The following UTP11 variants were observed in gnomAD, a reference collection of about 807,000 sequenced individuals.
UTP11 encodes the protein UTP11 small subunit processome component.
UTP11 carries 29 observed loss-of-function variants against 39.0 expected under a neutral mutation model. That is an observed-to-expected ratio of 0.74 (90% CI 0.55 to 1.01). The LOEUF (loss-of-function observed/expected upper bound fraction) is 1.01, where lower values mean the gene tolerates loss of function less well. Among genes scored for constraint, UTP11 ranks in the 50% least tolerant of loss-of-function variants. The pLI, the probability that UTP11 is intolerant of heterozygous loss-of-function variation, is 0.00. For missense variants in UTP11, 281 were observed against 306.0 expected (o/e 0.92, Z 0.61); for synonymous variants, 111 against 105.0 (o/e 1.06, Z -0.35).
intron 3 of UTP11, among the ~76,000 whole-genome samples, 165 bp downstream of exon 3, chr1:38,017,935 C>T (rs996515953): frequency 6.6e-6 from 1 of 152,132 alleles, no homozygotes; most frequent in Non-Finnish European, 1.5e-5. Flanking sequence ...TCCAGAGGAG[C>T]GTGCATTTTT....
At chr1:38,020,554 A>T (rs1018939769) in intron 6 of UTP11, among the ~76,000 whole-genome samples, 1 of 152,210 alleles carries the variant, frequency 6.6e-6, no homozygotes, top group African/African-American at 2.4e-5. Flanking sequence ...CATTAAAAAA[A>T]AATGCTGTCA....
At chr1:38,017,293 T>C (rs1305757013) in intron 2 of UTP11, 1 of 164,280 alleles carries the variant, frequency 6.1e-6, no homozygotes, top group African/African-American at 2.4e-5. Flanking sequence ...TATACTGTAC[T>C]GTGTAGTTTC....
rs980795182 is a variant in UTP11 at position 38,024,607 on chromosome 1, C to T, written c.*979C>T. 9 of 150,840 alleles carry T rather than the reference C, an allele frequency of 6.0e-5. No homozygotes were observed. The highest frequency in any genetic ancestry group is 2.2e-4 in the African/African-American group (9 of 41,054). 9.3% of individuals were successfully genotyped at this position (150,840 alleles called of 1,614,324 possible). ...TTTTTTTAGTAGAGACGGGGTTTCA[C>T]CTTGTTAGCCAGGATGGTCTCGATC... is the stretch of plus-strand genomic sequence containing the variant. On this transcript the variant is annotated 3_prime_UTR_variant, in exon 8 of 8. Coordinates refer to ENST00000373014, the MANE Select transcript of UTP11 (RefSeq NM_016037.4).
intron 3 of UTP11, among the ~76,000 whole-genome samples, chr1:38,018,103 C>G (rs1197752959): frequency 6.6e-6 from 1 of 151,924 alleles, no homozygotes; most frequent in Non-Finnish European, 1.5e-5. Flanking sequence ...TGGACTCACT[C>G]TCTGTTGCCC....
chr1:38,017,684 C>T lies in UTP11; in HGVS notation c.142C>T (p.Gln48Ter), dbSNP rs758206103. The T allele has an allele frequency of 1.3e-6, 2 of 1,524,028 alleles. No individual in the cohort carries two copies. The highest frequency in any genetic ancestry group is 1.8e-6 in the Non-Finnish European group (2 of 1,134,026). The allele number at this position is 1,524,028 out of a possible 1,614,324, so 94.4% of individuals were successfully genotyped here. ...KLRADDYRKK[Q>*]EYLKALRKKA... ...GTCTTTTAGTGACTACCGTAAAAAA[C>T]AAGAATACCTCAAAGCTCTTCGGAA... is the stretch of plus-strand genomic sequence containing the variant. The change falls in exon 3 of 8, where the codon CAA becomes TAA. Residue 48 changes from glutamine (Q) to a stop codon, truncating the protein, a stop_gained. Transcript: ENST00000373014. LOFTEE classifies it high-confidence loss of function.
At position 38,024,515 on chromosome 1, in the gene UTP11, G is replaced by T. The variant is rs1284432614; in HGVS notation, c.*887G>T. The T allele has an allele frequency of 6.7e-6, 1 of 149,836 alleles. No individual in the cohort carries two copies. Among genetic ancestry groups the T allele is most frequent in the Non-Finnish European group, 1.5e-5 (1 of 67,790 alleles). 9.3% of individuals were successfully genotyped at this position (149,836 alleles called of 1,614,324 possible). ...CTTCCCGGGTTCACGCCATTCTCCT[G>T]CCTCAGCCTCCCGAGTAGCTGGGAC... On this transcript the variant is annotated 3_prime_UTR_variant, in exon 8 of 8. Transcript: ENST00000373014.
chr1:38,022,636 C>A, intron 6 of UTP11, 63 bp from the exon 7 acceptor site: 1 of 1,129,878 alleles, frequency 8.9e-7, no homozygotes, highest in Non-Finnish European at 1.3e-6. Context: ...GATTAAGAAA[C>A]AGTTTCTTAC....
chr1:38,015,886 C>G (rs755935118), intron 1 of UTP11, among the ~76,000 whole-genome samples: 10 of 152,190 alleles, frequency 6.6e-5, no homozygotes, highest in Non-Finnish European at 1.2e-4. Flanking sequence ...CAGGAAATAG[C>G]AGCTCAGAGA....
chr1:38,013,346 G>A (rs1646689004), intron 1 of UTP11, among the ~76,000 whole-genome samples: 1 of 152,168 alleles, frequency 6.6e-6, no homozygotes. Flanking sequence ...TGTGCTTTTT[G>A]TTTAAGCCTT....
rs775736450 is a variant in UTP11 at position 38,017,812 on chromosome 1, A to C, written c.228+42A>C. On this transcript the variant is annotated intron_variant, in intron 3 of 7. Coordinates refer to ENST00000373014, the MANE Select transcript of UTP11 (RefSeq NM_016037.4). ...TTGGTTGGTGTTTTGAGCTCCACAC[A>C]TTGGAAAATAAGGACAGGGAGGAGA... The C allele has an allele frequency of 2.0e-6, 3 of 1,501,718 alleles. No individual in the cohort carries two copies. The East Asian group carries it at 7.0e-5, about 35-fold the overall frequency. 93.0% of individuals were successfully genotyped at this position (1,501,718 alleles called of 1,614,324 possible). A position where few individuals can be genotyped will look rare whatever the true frequency, so the allele number is the denominator to read the frequency against.
rs759127260 is a variant in UTP11, at chr1:38,022,777, G to C, written c.646G>C (p.Ala216Pro). Residue 216 changes from alanine (A) to proline (P), a missense_variant, in exon 7 of 8, where the codon GCT (alanine) becomes CCT (proline). Transcript: ENST00000373014. ...ACGAGAGAAGAAATTGTTCGTTATT[G>C]CTCAGAAAATTCAAACACGCAAAGA... ...IEREKKLFVI[A>P]QKIQTRKDLM... The C allele has an allele frequency of 1.2e-6, 2 of 1,613,592 alleles. No homozygotes were observed. The highest frequency in any genetic ancestry group is 2.7e-5 in the African/African-American group (2 of 74,830).
At chr1:38,020,130 G>T (rs929122288) in intron 6 of UTP11, among the ~76,000 whole-genome samples, 6 of 152,076 alleles carry the variant, frequency 3.9e-5, no homozygotes, top group Non-Finnish European at 8.8e-5. Flanking sequence ...TTGAGACAGG[G>T]TCTCACTGTC....
chr1:38,019,433 TTTTTTTTTTG>T, intron 6 of UTP11, 50 bp downstream of exon 6: 4 of 1,276,324 alleles, frequency 3.1e-6, no homozygotes, highest in Middle Eastern at 2.1e-4. Flanking sequence ...AATCTAGGTG[TTTTTTTTTTG>T]TTTTTTTTTT....
At position 38,024,238 on chromosome 1, in the gene UTP11, A is replaced by G. The variant is rs1203607656; in HGVS notation, c.*610A>G. ...CAGTGCTTATTCAATAATAACAAAT[A>G]TTTATTGCATGCTTAACTGTGCTAG... On this transcript the variant is annotated 3_prime_UTR_variant, in exon 8 of 8. Coordinates refer to ENST00000373014, the MANE Select transcript of UTP11 (RefSeq NM_016037.4). 1.3e-5 allele frequency: 2 copies of G among 152,246 alleles called. No homozygotes were observed. Among genetic ancestry groups the G allele is most frequent in the South Asian group, 2.1e-4 (1 of 4,830 alleles). The allele number at this position is 152,246 out of a possible 1,614,324, so 9.4% of individuals were successfully genotyped here.
chr1:38,019,563 A>C (rs1646725519), intron 6 of UTP11, among the ~76,000 whole-genome samples, 180 bp downstream of exon 6: 1 of 151,742 alleles, frequency 6.6e-6, no homozygotes, highest in African/African-American at 2.4e-5. Context: ...GGCTCACTGC[A>C]ACCTCCGCCT....
intron 2 of UTP11, 44 bp from the exon 3 acceptor site, chr1:38,017,624 A>ATTTTTT (rs61711547): frequency 9.3e-7 from 1 of 1,079,204 alleles, no homozygotes; most frequent in Non-Finnish European, 1.2e-6. Context: ...AAAATTATCT[A>ATTTTTT]TTTTTTTTTT....
chr1:38,023,370 A>C (rs1557771407), intron 7 of UTP11, among the ~76,000 whole-genome samples, 175 bp from the exon 8 acceptor site: 2 of 152,236 alleles, frequency 1.3e-5, no homozygotes, highest in African/African-American at 2.4e-5. Flanking sequence ...TACTTTCTAG[A>C]TGCCTAGGGG....
At chr1:38,021,904 A>G (rs1490728276) in intron 6 of UTP11, among the ~76,000 whole-genome samples, 2 of 152,106 alleles carry the variant, frequency 1.3e-5, no homozygotes, top group Non-Finnish European at 2.9e-5. Flanking sequence ...GAAAAAAAAA[A>G]AAAAGAAGAA....
chr1:38,016,618 A>G (rs933338581), intron 2 of UTP11, 198 bp downstream of exon 2: 4 of 563,920 alleles, frequency 7.1e-6, no homozygotes, highest in African/African-American at 5.6e-5. Context: ...TATTTATTTA[A>G]CTGTAGTTGC....
Sources: allele counts gnomAD v4.1 joint callset (sites outside exome capture counted in the v4.1 genomes callset), GRCh38; gene constraint gnomAD v4.1.1; transcripts MANE v1.5; gene names NCBI Gene and HGNC (gene_info 2026-07-23, HGNC 2026-07-21).